Variants in RC3H1 observed in about 807,000 individuals in gnomAD.
The protein encoded by RC3H1 is roquin-1.
A neutral mutation model predicts 138.2 loss-of-function variants in RC3H1; 50 were observed. That is an observed-to-expected ratio of 0.36 (90% confidence interval 0.29 to 0.46). RC3H1 has a LOEUF of 0.46. Among genes scored for constraint, RC3H1 ranks in the 20% least tolerant of loss-of-function variants. RC3H1 has a pLI of 1.00. For missense variants in RC3H1, 1,031 were observed against 1,388.1 expected (o/e 0.74, Z 4.09); for synonymous variants, 462 against 489.1 (o/e 0.94, Z 0.73).
At chr1:173,947,307 G>A (rs1659175523) in intron 15 of RC3H1, 62 bp downstream of exon 15, 2 of 1,101,774 alleles carry the variant, frequency 1.8e-6, no homozygotes, top group Non-Finnish European at 2.8e-6. Flanking sequence ...ATGGAGAGCA[G>A]GGGTAATGCT....
chr1:174,000,290 G>T (rs1376971008), intron 1 of RC3H1, among the ~76,000 whole-genome samples: 2 of 152,148 alleles, frequency 1.3e-5, no homozygotes, highest in African/African-American at 4.8e-5. Context: ...TTGCTGTGAA[G>T]ATTTCATTTA....
chr1:173,967,335 G>T (rs968369636), intron 9 of RC3H1, among the ~76,000 whole-genome samples: 27 of 152,188 alleles, frequency 1.8e-4, no homozygotes, highest in African/African-American at 6.0e-4. Context: ...AAAAGTAACA[G>T]ATAATTATGA....
At position 173,965,250 on chromosome 1, in the gene RC3H1, G is replaced by C. The variant is rs1660060201; in HGVS notation, c.1335-130C>G. 5.8e-6 allele frequency: 5 copies of C among 869,092 alleles called. No homozygotes were observed. In the East Asian group the frequency reaches 1.3e-4, roughly 23 times the overall value. The allele number at this position is 869,092 out of a possible 1,614,324, so 53.8% of individuals were successfully genotyped here. ...TTAACTCTATCAGTGTGTATATTTT[G>C]CATAAAATCTCTAGCAGCAAGACAT... On this transcript the variant is annotated intron_variant, in intron 9 of 19. Transcript: ENST00000367696.
At position 173,975,674 on chromosome 1, in the gene RC3H1, G is replaced by A. The variant is rs1235321527; in HGVS notation, c.1102+2814C>T. The stretch of plus-strand genomic sequence containing the variant: ...AGCACTTTGGGAGGCCGAGGCGGGC[G>A]GATCACGAGGTCAGGAGATCGAGAC... On this transcript the variant is annotated intron_variant, in intron 7 of 19. Coordinates refer to ENST00000367696, the MANE Select transcript of RC3H1 (RefSeq NM_172071.4). Among the ~76,000 whole-genome samples the A allele has an allele frequency of 3.8e-5, 4 of 106,574 alleles. 1 individual carries two copies. The highest frequency in any genetic ancestry group is 5.5e-4 in the South Asian group (2 of 3,610). The allele number at this position is 106,574 out of a possible 152,430, so 69.9% of individuals were successfully genotyped here. A position where few individuals can be genotyped will look rare whatever the true frequency, so the allele number is the denominator to read the frequency against.
chr1:173,957,748 G>T (rs1659709797), intron 13 of RC3H1, among the ~76,000 whole-genome samples: 1 of 151,896 alleles, frequency 6.6e-6, no homozygotes, highest in Admixed American at 6.6e-5. Context: ...AATCTGTAGG[G>T]ATGGGGTCTC....
At chr1:173,957,494 A>G (rs1301253639) in intron 13 of RC3H1, among the ~76,000 whole-genome samples, 1 of 152,176 alleles carries the variant, frequency 6.6e-6, no homozygotes, top group Non-Finnish European at 1.5e-5. Flanking sequence ...ATGGCATAAC[A>G]AAGTTCCAGG....
intron 5 of RC3H1, 120 bp from the exon 6 acceptor site, chr1:173,981,129 T>C (rs940745842): frequency 2.6e-6 from 2 of 770,124 alleles, no homozygotes; most frequent in Non-Finnish European, 2.0e-6. Flanking sequence ...GAATATACCA[T>C]TTGCCTGCAA....
At chr1:174,020,135 G>GA (rs11393317) in intron 1 of RC3H1, among the ~76,000 whole-genome samples, 129,524 of 145,238 alleles carry the variant, frequency 0.89, 57,902 homozygotes, top group African/African-American at 0.96. Context: ...AATTAGCACA[G>GA]AAAAAAAAAA....
At chr1:173,987,062 T>G (rs972533918) in intron 2 of RC3H1, among the ~76,000 whole-genome samples, 32 of 152,168 alleles carry the variant, frequency 2.1e-4, no homozygotes, top group African/African-American at 7.0e-4. Flanking sequence ...AGTGCCATTT[T>G]TTATCACATC....
In RC3H1 at chr1:174,015,831, A is replaced by T. The variant is rs561881437; in HGVS notation, c.-151+6265T>A. 3.3e-5 allele frequency: 5 copies of T among 152,132 alleles called. No individual in the cohort carries two copies. The South Asian group carries it at 1.0e-3, about 32-fold the overall frequency. The allele number at this position is 152,132 out of a possible 1,614,324, so 9.4% of individuals were successfully genotyped here. On this transcript the variant is annotated intron_variant, in intron 1 of 19. Coordinates refer to ENST00000367696, the MANE Select transcript of RC3H1 (RefSeq NM_172071.4). The stretch of plus-strand genomic sequence containing the variant: ...CCTCCTAGCCTATCCCATATTTTTC[A>T]TGGATATAGCTCTAAACATCACCTC...
At chr1:173,956,294 T>C (rs1265243084) in intron 13 of RC3H1, among the ~76,000 whole-genome samples, 6 of 152,242 alleles carry the variant, frequency 3.9e-5, no homozygotes, top group South Asian at 2.1e-4. Context: ...ACATACACAA[T>C]TGTCCAAGGA....
At chr1:173,939,164 C>T (rs923093913) in intron 19 of RC3H1, among the ~76,000 whole-genome samples, 5 of 151,848 alleles carry the variant, frequency 3.3e-5, no homozygotes, top group African/African-American at 7.3e-5. Context: ...TTGAGAATTG[C>T]GACAAAAACT....
chr1:173,951,009 A>T (rs1288627678), intron 14 of RC3H1, among the ~76,000 whole-genome samples: 3 of 150,928 alleles, frequency 2.0e-5, no homozygotes, highest in African/African-American at 7.3e-5. Flanking sequence ...GGTGACAAAG[A>T]TCGATCCTAT....
chr1:173,940,466 C>T (rs1423930381), intron 19 of RC3H1, among the ~76,000 whole-genome samples: 2 of 151,270 alleles, frequency 1.3e-5, no homozygotes, highest in African/African-American at 2.4e-5. Context: ...AGTGAAGCTC[C>T]GTCTCAAAAA....
chr1:174,007,222 T>C (rs1352356683), intron 1 of RC3H1, among the ~76,000 whole-genome samples: 2 of 151,976 alleles, frequency 1.3e-5, no homozygotes, highest in African/African-American at 4.8e-5. Flanking sequence ...ACACCATCTC[T>C]ACTAAAAATA....
chr1:173,944,084 C>T (rs1306727703), intron 17 of RC3H1, among the ~76,000 whole-genome samples: 1 of 151,408 alleles, frequency 6.6e-6, no homozygotes. Context: ...TCACTTGAGC[C>T]CAGGAGTTTA....
At chr1:174,006,057 G>A (rs1345996981) in intron 1 of RC3H1, among the ~76,000 whole-genome samples, 2 of 152,038 alleles carry the variant, frequency 1.3e-5, no homozygotes, top group African/African-American at 4.8e-5. Flanking sequence ...AATACAGTAA[G>A]TTAGCCAGAC....
chr1:173,971,587 T>C (rs982005772), intron 8 of RC3H1, among the ~76,000 whole-genome samples: 5 of 152,196 alleles, frequency 3.3e-5, no homozygotes, highest in African/African-American at 7.2e-5. Flanking sequence ...CTGGACAAAA[T>C]TTAGTGTATT....
intron 14 of RC3H1, among the ~76,000 whole-genome samples, chr1:173,948,810 T>A (rs1659250512): frequency 6.6e-6 from 1 of 152,054 alleles, no homozygotes; most frequent in Admixed American, 6.6e-5. Context: ...GGTCTTGAAC[T>A]CCTGGGCTCA....
Sources: allele counts gnomAD v4.1 joint callset (sites outside exome capture counted in the v4.1 genomes callset), GRCh38; gene constraint gnomAD v4.1.1; transcripts MANE v1.5; gene names NCBI Gene and HGNC (gene_info 2026-07-23, HGNC 2026-07-21).